EYS: variants seen among roughly 807,000 people sequenced by gnomAD.
EYS encodes protein eyes shut homolog.
EYS carries 250 observed loss-of-function variants against 282.1 expected under a neutral mutation model. The observed-to-expected ratio is 0.89, with a 90% CI of 0.80 to 0.98. The LOEUF is 0.98. EYS is among the 50% of genes least tolerant of loss of function. The pLI is 0.00. For synonymous variants in EYS, 1,355 were observed against 1,282.9 expected (o/e 1.06, Z -1.20); for missense variants, 4,016 against 3,709.0 (o/e 1.08, Z -2.15).
rs1223920354 is a variant in EYS at position 64,692,980 on chromosome 6, T to TTTG, written c.3444-66736_3444-66735insCAA. Among the ~76,000 whole-genome samples the TTTG allele has an allele frequency of 3.8e-3, 244 of 63,788 alleles. 2 individuals carry two copies. Among genetic ancestry groups the TTTG allele is most frequent in the African/African-American group, 0.01 (229 of 21,916 alleles). 41.8% of individuals were successfully genotyped at this position (63,788 alleles called of 152,430 possible). On this transcript the variant is annotated intron_variant, in intron 22 of 42. Transcript: ENST00000503581. ...GGGATTGGTTTGGCTGCTTGGGCTT[T>TTTG]TTTTTTTTTTTTTTTTTTTGGTTCC...
chr6:65,061,929 C>G (rs1290175463), intron 12 of EYS, among the ~76,000 whole-genome samples: 1 of 151,930 alleles, frequency 6.6e-6, no homozygotes, highest in African/African-American at 2.4e-5. Flanking sequence ...TCTTCTTACT[C>G]TTTATTTTTT....
intron 35 of EYS, among the ~76,000 whole-genome samples, chr6:63,912,186 T>G (rs1043676514): frequency 2.0e-5 from 3 of 152,162 alleles, no homozygotes; most frequent in African/African-American, 7.2e-5. Context: ...ATTTTATACC[T>G]CTATTTCAAT....
intron 29 of EYS, among the ~76,000 whole-genome samples, chr6:64,309,622 A>T (rs1272360182): frequency 6.6e-6 from 1 of 152,108 alleles, no homozygotes; most frequent in Non-Finnish European, 1.5e-5. Flanking sequence ...AAAGGACATG[A>T]ACAGACACTT....
chr6:64,698,754 T>C (rs988423490), intron 22 of EYS, among the ~76,000 whole-genome samples: 4 of 152,212 alleles, frequency 2.6e-5, no homozygotes, highest in Admixed American at 6.5e-5. Flanking sequence ...ATCAGAGAAA[T>C]GCAAATCAAA....
intron 11 of EYS, chr6:65,330,539 A>T: frequency 3.0e-6 from 3 of 984,228 alleles, no homozygotes; most frequent in Non-Finnish European, 3.6e-6. Context: ...TCAGGGCAAA[A>T]AAATGTGGTA....
chr6:63,814,820 CTTTGAGCATGGTAAAAT>C (rs1334710023), intron 36 of EYS, among the ~76,000 whole-genome samples: 6 of 152,264 alleles, frequency 3.9e-5, no homozygotes, highest in African/African-American at 1.4e-4. Flanking sequence ...ATGGCCTAAG[CTTTGAGCATGGTAAAAT>C]TTTCACATCC....
chr6:64,522,503 T>C (rs1351693845), intron 26 of EYS, among the ~76,000 whole-genome samples: 1 of 151,690 alleles, frequency 6.6e-6, no homozygotes, highest in Non-Finnish European at 1.5e-5. Flanking sequence ...CTAGGTGGTG[T>C]TCGAAGACAA....
intron 8 of EYS, among the ~76,000 whole-genome samples, chr6:65,368,474 A>G (rs928880670): frequency 2.0e-5 from 3 of 151,626 alleles, no homozygotes; most frequent in African/African-American, 7.2e-5. Flanking sequence ...CCCAGATAAT[A>G]CTATTTAAGG....
chr6:63,737,239 C>T (rs1023535980), intron 41 of EYS, among the ~76,000 whole-genome samples: 8 of 152,074 alleles, frequency 5.3e-5, no homozygotes, highest in Middle Eastern at 3.2e-3. Flanking sequence ...ATAGATAGCT[C>T]TTATGATTTT....
chr6:63,737,801 C>T (rs1768960496), intron 41 of EYS, among the ~76,000 whole-genome samples: 1 of 151,976 alleles, frequency 6.6e-6, no homozygotes, highest in Admixed American at 6.6e-5. Context: ...AAGAGGCAAC[C>T]TACAAAATGG....
intron 31 of EYS, among the ~76,000 whole-genome samples, chr6:64,195,826 T>C (rs1765271003): frequency 6.6e-6 from 1 of 151,968 alleles, no homozygotes; most frequent in Non-Finnish European, 1.5e-5. Context: ...CTTTATGTGT[T>C]TGATAATTGA....
At chr6:64,668,607 T>C (rs1769321064) in intron 22 of EYS, among the ~76,000 whole-genome samples, 1 of 140,020 alleles carries the variant, frequency 7.1e-6, no homozygotes, top group African/African-American at 2.6e-5. Flanking sequence ...TGGAGTGCAG[T>C]GGGCTGGAGT....
chr6:65,073,004 A>G (rs1390078768), intron 12 of EYS, among the ~76,000 whole-genome samples: 2 of 151,494 alleles, frequency 1.3e-5, no homozygotes, highest in Non-Finnish European at 3.0e-5. Context: ...ACGACATTAT[A>G]TAATTAAACA....
chr6:64,295,683 C>T (rs187651751), intron 30 of EYS, among the ~76,000 whole-genome samples: 178 of 145,844 alleles, frequency 1.2e-3, no homozygotes, highest in African/African-American at 4.4e-3. Flanking sequence ...GAGCTGAGAT[C>T]GCGCCGCTGC....
chr6:64,074,439 G>A (rs1489385952), intron 32 of EYS, among the ~76,000 whole-genome samples: 1 of 151,286 alleles, frequency 6.6e-6, no homozygotes, highest in African/African-American at 2.4e-5. Context: ...TAGTTTAATT[G>A]TAGATCTGGA....
At chr6:63,992,261 A>G (rs1767637897) in intron 34 of EYS, among the ~76,000 whole-genome samples, 1 of 151,748 alleles carries the variant, frequency 6.6e-6, no homozygotes, top group East Asian at 1.9e-4. Context: ...CATTTGTGCT[A>G]TTATTTTATT....
Position 65,433,208 on chromosome 6 carries a change from A to G in EYS, c.863-27841T>C, listed in dbSNP as rs1211461324. ...ACAAGAATACAAAGGAAATGAAGAT[A>G]GCAAAGACATGGAAGCCAATATGTA... On this transcript the variant is annotated intron_variant, in intron 5 of 42. Transcript: ENST00000503581. Among the ~76,000 whole-genome samples the G allele has an allele frequency of 4.6e-5, 7 of 152,202 alleles. No individual in the cohort carries two copies. In the East Asian group the frequency reaches 1.3e-3, roughly 29 times the overall value.
At chr6:64,238,908 C>T (rs371503201) in intron 30 of EYS, among the ~76,000 whole-genome samples, 263 of 152,246 alleles carry the variant, frequency 1.7e-3, no homozygotes, top group African/African-American at 6.1e-3. Context: ...CACTAGCTCC[C>T]CATCCCCTGA....
intron 7 of EYS, among the ~76,000 whole-genome samples, chr6:65,396,152 T>C (rs990938340): frequency 3.3e-5 from 5 of 152,136 alleles, no homozygotes; most frequent in Non-Finnish European, 7.4e-5. Flanking sequence ...ATCTGCAAAG[T>C]TTATTTATTT....
Sources: gnomAD v4.1 joint callset for allele counts (sites outside exome capture counted in the v4.1 genomes callset) on GRCh38, gnomAD v4.1.1 for gene constraint, MANE v1.5 for transcripts, NCBI Gene and HGNC (gene_info 2026-07-23, HGNC 2026-07-21) for gene names.